The following CSF2RA variants were observed in gnomAD, a reference collection of about 807,000 sequenced individuals.
CSF2RA encodes the protein colony stimulating factor 2 receptor subunit alpha.
In CSF2RA, 42 loss-of-function variants were observed where a neutral mutation model predicts 51.6. The ratio of observed to expected loss-of-function variants is 0.81; its 90% CI spans 0.64 to 1.05. The LOEUF is 1.05. Among genes scored for constraint, CSF2RA ranks in the 50% least tolerant of loss-of-function variants. The pLI, the probability that CSF2RA is intolerant of heterozygous loss-of-function variation, is 0.00. For missense variants in CSF2RA, 530 were observed against 501.1 expected, an observed-to-expected ratio of 1.06 and a Z score of -0.55; for synonymous variants, 222 against 193.0, an observed-to-expected ratio of 1.15 and a Z score of -1.24.
chrX:1,276,619 C>T (rs2089227981), intron 2 of CSF2RA, among the ~76,000 whole-genome samples: 1 of 152,170 alleles, frequency 6.6e-6, no homozygotes, highest in South Asian at 2.1e-4. Flanking sequence ...AGTGATCCAC[C>T]CACCTGAGCC....
chrX:1,316,052 A>C, the CSF2RA span, among the ~76,000 whole-genome samples: 1 of 149,646 alleles, frequency 6.7e-6, no homozygotes, highest in Non-Finnish European at 1.5e-5. Context: ...AGACAGATAG[A>C]TAGATCAATA....
chrX:1,319,862 G>A, the CSF2RA span, among the ~76,000 whole-genome samples: 8 of 147,966 alleles, frequency 5.4e-5, no homozygotes, highest in African/African-American at 1.5e-4. Flanking sequence ...TTACAGGCAC[G>A]TGCCACCACG....
At chrX:1,288,937 G>GA (rs749147001) in intron 6 of CSF2RA, 49 bp downstream of exon 6, 36 of 1,607,916 alleles carry the variant, frequency 2.2e-5, no homozygotes, top group African/African-American at 2.7e-5. Context: ...AGGGATGGGA[G>GA]AAAAAATCAT....
chrX:1,307,765 A>G (rs1216216173), intron 12 of CSF2RA, among the ~76,000 whole-genome samples: 21 of 124,690 alleles, frequency 1.7e-4, no homozygotes, highest in African/African-American at 5.5e-4. Context: ...TAGATCTTCA[A>G]CTGATTAGAT....
At chrX:1,306,508 G>A (rs1462795895) in intron 12 of CSF2RA, among the ~76,000 whole-genome samples, 2 of 151,858 alleles carry the variant, frequency 1.3e-5, no homozygotes, top group Non-Finnish European at 2.9e-5. Flanking sequence ...TTAGCCAGGT[G>A]TGGTGGCGCA....
the CSF2RA span, among the ~76,000 whole-genome samples, chrX:1,323,282 G>A: frequency 6.6e-6 from 1 of 151,790 alleles, no homozygotes; most frequent in African/African-American, 2.4e-5. Context: ...GGGAGGCCGA[G>A]GCGGGCGGAT....
At chrX:1,317,501 T>G in the CSF2RA span, among the ~76,000 whole-genome samples, 1 of 151,448 alleles carries the variant, frequency 6.6e-6, no homozygotes, top group South Asian at 2.1e-4. Context: ...TCTGCCCGCC[T>G]CGGCCTCCCA....
Position 1,285,499 on chromosome X carries a change from G to A in CSF2RA, c.77-279G>A, listed in dbSNP as rs141654278. On this transcript the variant is annotated intron_variant, in intron 3 of 12. Coordinates refer to ENST00000381529, the MANE Select transcript of CSF2RA (RefSeq NM_172245.4). Reference sequence around the variant, plus strand: ...ACCTGAGGTCGGCAGTTCGAGACCAGCCTGACCAACATGGTGAAACCCCCA... The same window carrying A: ...ACCTGAGGTCGGCAGTTCGAGACCAACCTGACCAACATGGTGAAACCCCCA... Among the ~76,000 whole-genome samples, 113 of 151,266 alleles carry A rather than the reference G, an allele frequency of 7.5e-4. No homozygotes were observed. The East Asian group carries it at 0.019, about 26-fold the overall frequency.
chrX:1,311,886 A>G (rs1437062884), downstream of CSF2RA, among the ~76,000 whole-genome samples: 1 of 151,976 alleles, frequency 6.6e-6, no homozygotes, highest in East Asian at 1.9e-4. Flanking sequence ...GGTTGCTGTC[A>G]CTCAGGCCTG....
Position 1,294,313 on chromosome X carries a change from G to T in CSF2RA, c.647-15G>T, listed in dbSNP as rs2091706148. 2 of 1,612,714 alleles carry T rather than the reference G, an allele frequency of 1.2e-6. No individual in the cohort carries two copies. Among genetic ancestry groups the T allele is most frequent in the South Asian group, 1.1e-5 (1 of 91,014 alleles). ...CCTCTCGGGTTCAGGGGTGTGTCCT[G>T]CGCCCTCGTTACAGAACGATTCAAC... On this transcript the variant is annotated splice_polypyrimidine_tract_variant and intron_variant, in intron 7 of 12. Transcript: ENST00000381529.
chrX:1,275,385 C>T (rs1298739105), intron 2 of CSF2RA, among the ~76,000 whole-genome samples: 2 of 151,376 alleles, frequency 1.3e-5, no homozygotes, highest in Admixed American at 1.3e-4. Context: ...AGCGACAGTC[C>T]GTCCCAAACA....
chrX:1,317,609 C>T, the CSF2RA span, among the ~76,000 whole-genome samples: 1 of 149,802 alleles, frequency 6.7e-6, no homozygotes, highest in African/African-American at 2.5e-5. Flanking sequence ...GCTCTTGTCA[C>T]CCAGGCTGGA....
chrX:1,323,884 G>A, the CSF2RA span, among the ~76,000 whole-genome samples: 4 of 151,874 alleles, frequency 2.6e-5, no homozygotes, highest in Admixed American at 6.6e-5. Context: ...CGTGGTGGTG[G>A]GCGCCTGTAG....
At chrX:1,269,881 G>A (rs2147977438) in intron 1 of CSF2RA, among the ~76,000 whole-genome samples, 1 of 152,270 alleles carries the variant, frequency 6.6e-6, no homozygotes, top group Non-Finnish European at 1.5e-5. Flanking sequence ...GCTGAGGCGG[G>A]CGGATCACCT....
At chrX:1,317,015 C>T in the CSF2RA span, among the ~76,000 whole-genome samples, 4 of 152,160 alleles carry the variant, frequency 2.6e-5, no homozygotes, top group East Asian at 1.9e-4. Context: ...GGCGCGATCT[C>T]GGCTCACTGC....
rs777545687 is a variant in CSF2RA at position 1,282,669 on chromosome X, C to G, written c.-26-9C>G. 1 of 1,582,540 alleles carries G rather than the reference C, an allele frequency of 6.3e-7. No individual in the cohort carries two copies. The highest frequency in any genetic ancestry group is 8.7e-7 in the Non-Finnish European group (1 of 1,151,262). On this transcript the variant is annotated splice_polypyrimidine_tract_variant and intron_variant, in intron 2 of 12. Transcript: ENST00000381529. The stretch of plus-strand genomic sequence containing the variant: ...ACCTTCTCACTGTGTGATATTTTCT[C>G]TCCTGCAGCTCTTCCCTTCTCTCTG...
At chrX:1,322,129 A>T in the CSF2RA span, among the ~76,000 whole-genome samples, 1 of 62,536 alleles carries the variant, frequency 1.6e-5, no homozygotes, top group Non-Finnish European at 3.8e-5. Context: ...TTTTTGAGAC[A>T]GTGTCTCACT....
chrX:1,284,431 A>ATT lies in CSF2RA; in HGVS notation c.77-1333_77-1332dup, dbSNP rs1298855394. On this transcript the variant is annotated intron_variant, in intron 3 of 12. Coordinates refer to ENST00000381529, the MANE Select transcript of CSF2RA (RefSeq NM_172245.4). ...GCTATGTTGCCAAGACTAGTTTTTG[A>ATT]TTTTTTTTTTTTTTTGAGATGGAGT... is the stretch of plus-strand genomic sequence containing the variant. Among the ~76,000 whole-genome samples the ATT allele has an allele frequency of 2.9e-3, 84 of 29,354 alleles. 11 individuals carry two copies. Among genetic ancestry groups the ATT allele is most frequent in the African/African-American group, 6.7e-3 (45 of 6,674 alleles). The allele number at this position is 29,354 out of a possible 152,430, so 19.3% of individuals were successfully genotyped here.
intron 2 of CSF2RA, among the ~76,000 whole-genome samples, chrX:1,281,494 T>A (rs1405821828): frequency 6.8e-6 from 1 of 147,590 alleles, no homozygotes; most frequent in African/African-American, 2.5e-5. Flanking sequence ...CTCCTCCTCT[T>A]CCTCCTACTC....
Sources: gnomAD v4.1 joint callset for allele counts (sites outside exome capture counted in the v4.1 genomes callset) on GRCh38, gnomAD v4.1.1 for gene constraint, MANE v1.5 for transcripts, NCBI Gene and HGNC (gene_info 2026-07-23, HGNC 2026-07-21) for gene names.